The following FAM171A2 variants were observed in gnomAD, a reference collection of about 807,000 sequenced individuals.
The protein encoded by FAM171A2 is family with sequence similarity 171 member A2.
FAM171A2 carries 13 observed loss-of-function variants against 34.2 expected under a neutral mutation model. The ratio of observed to expected loss-of-function variants is 0.38; its 90% CI spans 0.25 to 0.60. The LOEUF (loss-of-function observed/expected upper bound fraction) is 0.60, where lower values mean the gene tolerates loss of function less well. Ranked by LOEUF, FAM171A2 falls within the 20% of genes least tolerant of loss-of-function variation. The pLI is 0.62. For synonymous variants in FAM171A2, 475 were observed against 561.2 expected (o/e 0.85, Z 2.17); for missense variants, 950 against 1,180.7 (o/e 0.80, Z 2.86).
intron 3 of FAM171A2, 141 bp downstream of exon 3, chr17:44,359,438 C>T (rs374439320): frequency 1.0e-5 from 7 of 671,614 alleles, no homozygotes; most frequent in East Asian, 5.5e-5. Flanking sequence ...TAACCTTCCA[C>T]GTCTTACAAA....
chr17:44,362,715 C>T (rs577694344), intron 1 of FAM171A2, among the ~76,000 whole-genome samples: 1 of 152,254 alleles, frequency 6.6e-6, no homozygotes, highest in South Asian at 2.1e-4. Context: ...CACCCACCTG[C>T]GCCCGGTGAG....
At position 44,356,239 on chromosome 17, in the gene FAM171A2, G is replaced by A; in HGVS notation, c.712C>T (p.Pro238Ser). 1 of 1,551,524 alleles carries A rather than the reference G, an allele frequency of 6.4e-7. No individual in the cohort carries two copies. ...ACGGTGAGGGCACGAGTCTCGGAGG[G>A]CACGGGCAGGGACAGGTGAATGGGG... ...SGPIHLSLPV[P>S]SETRALTVGT... The change falls in exon 5 of 8, where the codon CCC becomes TCC. Residue 238 changes from proline (P) to serine (S), a missense_variant. Physicochemically the swap from Pro to Ser is moderately conservative, Grantham distance 74 (BLOSUM62 -1). Coordinates refer to ENST00000293443, the MANE Select transcript of FAM171A2 (RefSeq NM_198475.3).
At chr17:44,358,735 G>A (rs763229269) in intron 3 of FAM171A2, among the ~76,000 whole-genome samples, 1 of 151,926 alleles carries the variant, frequency 6.6e-6, no homozygotes, top group Non-Finnish European at 1.5e-5. Flanking sequence ...CATGACAAGG[G>A]CTCAAGCTGA....
chr17:44,358,287 C>A (rs1045140795), intron 3 of FAM171A2, among the ~76,000 whole-genome samples: 2 of 152,170 alleles, frequency 1.3e-5, no homozygotes, highest in African/African-American at 4.8e-5. Flanking sequence ...AAGCAGTAGG[C>A]GCCATGCAGG....
Position 44,354,417 on chromosome 17 carries a change from G to A in FAM171A2, c.1797C>T (p.Gly599=). The A allele has an allele frequency of 1.7e-6, 2 of 1,154,524 alleles. No individual in the cohort carries two copies. The highest frequency in any genetic ancestry group is 4.0e-5 in the South Asian group (1 of 24,748). The allele number at this position is 1,154,524 out of a possible 1,614,324, so 71.5% of individuals were successfully genotyped here. A position where few individuals can be genotyped will look rare whatever the true frequency, so the allele number is the denominator to read the frequency against. ...GCCCGGCCCCCCAGCCCTCGCCGCCGCCCCCGCCGCCCTCGCCCCCCGGGC... is the reference window on the plus strand; with the variant it reads ...GCCCGGCCCCCCAGCCCTCGCCGCCACCCCCGCCGCCCTCGCCCCCCGGGC... ...HSGPGGEGGG[G]GGEGWGAGRA... The change falls in exon 8 of 8, where the codon GGC becomes GGT. Residue 599 remains glycine, a synonymous_variant. Transcript: ENST00000293443. This position sits in a 1 kb window ranked among gnomAD's most constrained non-coding sequence, Gnocchi z 5.8.
Position 44,354,996 on chromosome 17 carries a change from C to G in FAM171A2, c.1218G>C (p.Arg406=). ...GPLHSAFSSS[R]DLASSRDDFF... ...AGTCATCCCGGGAGGAGGCCAAGTC[C>G]CGGGAGCTGGAGAAGGCCGAGTGGA... The change falls in exon 8 of 8, where the codon CGG becomes CGC. Residue 406 remains arginine, a synonymous_variant. Coordinates refer to ENST00000293443, the MANE Select transcript of FAM171A2 (RefSeq NM_198475.3). The surrounding 1 kb of genome is among the most constrained non-coding windows in gnomAD (Gnocchi z 5.8). 2 of 1,497,068 alleles carry G rather than the reference C, an allele frequency of 1.3e-6. No individual in the cohort carries two copies. The highest frequency in any genetic ancestry group is 1.8e-6 in the Non-Finnish European group (2 of 1,124,700). 92.7% of individuals were successfully genotyped at this position (1,497,068 alleles called of 1,614,324 possible).
At chr17:44,359,387 TCAC>T in intron 3 of FAM171A2, 189 bp downstream of exon 3, 1 of 606,664 alleles carries the variant, frequency 1.6e-6, no homozygotes, top group Admixed American at 2.9e-5. Flanking sequence ...CTGTGTTTTT[TCAC>T]TTTGTGATTT....
chr17:44,361,036 G>C (rs112376123), intron 1 of FAM171A2, among the ~76,000 whole-genome samples: 4,571 of 152,322 alleles, frequency 0.03, 107 homozygotes, highest in Non-Finnish European at 0.049. Context: ...GGAGATCTAG[G>C]GGGGAGCAAC....
chr17:44,358,101 G>A (rs1214819376), intron 3 of FAM171A2, among the ~76,000 whole-genome samples: 2 of 152,182 alleles, frequency 1.3e-5, no homozygotes, highest in African/African-American at 2.4e-5. Context: ...GTCTCACTCA[G>A]CTCAGGGGAG....
At position 44,354,903 on chromosome 17, in the gene FAM171A2, C is replaced by G. The variant is rs1259087677; in HGVS notation, c.1311G>C (p.Glu437Asp). 1.8e-5 allele frequency: 25 copies of G among 1,397,972 alleles called. No individual in the cohort carries two copies. Among genetic ancestry groups the G allele is most frequent in the Non-Finnish European group, 2.3e-5 (25 of 1,081,672 alleles). 86.6% of individuals were successfully genotyped at this position (1,397,972 alleles called of 1,614,324 possible). ...AAEPSGARGG[E>D]SAGLKGARSA... ...AGCGAGCGCCCTTGAGCCCGGCGCT[C>G]TCGCCCCCGCGGGCACCCGAAGGCT... is the stretch of plus-strand genomic sequence containing the variant. Residue 437 changes from glutamate to aspartate, a missense_variant, in exon 8 of 8, where the codon GAG becomes GAC. Physicochemically the swap from Glu to Asp is conservative, Grantham distance 45 (BLOSUM62 2). Transcript: ENST00000293443. This position sits in a 1 kb window ranked among gnomAD's most constrained non-coding sequence, Gnocchi z 5.8.
At position 44,353,312 on chromosome 17, in the gene FAM171A2, C is replaced by T. The variant is rs1001556908; in HGVS notation, c.*421G>A. On this transcript the variant is annotated 3_prime_UTR_variant, in exon 8 of 8. Coordinates refer to ENST00000293443, the MANE Select transcript of FAM171A2 (RefSeq NM_198475.3). ...GTCCCAGCCACCAGCCCTGTGACATCGTAGCCCAGAGATGGGCTAGTCAGC... is the reference window on the plus strand; with the variant it reads ...GTCCCAGCCACCAGCCCTGTGACATTGTAGCCCAGAGATGGGCTAGTCAGC... 5.5e-5 allele frequency: 10 copies of T among 182,848 alleles called. No individual in the cohort carries two copies. Among genetic ancestry groups the T allele is most frequent in the South Asian group, 1.2e-4 (1 of 8,600 alleles). 11.3% of individuals were successfully genotyped at this position (182,848 alleles called of 1,614,324 possible). A position where few individuals can be genotyped will look rare whatever the true frequency, so the allele number is the denominator to read the frequency against.
chr17:44,356,041 C>T lies in FAM171A2; in HGVS notation c.812G>A (p.Arg271Gln), dbSNP rs2143371168. Residue 271 changes from arginine (R) to glutamine (Q), a missense_variant, in exon 6 of 8, where the codon CGG (arginine) becomes CAG (glutamine). Coordinates refer to ENST00000293443, the MANE Select transcript of FAM171A2 (RefSeq NM_198475.3). ...CCAGTAGAGCTGCCGGCCTTCCTTC[C>T]GGATTACACCAGTGCCATTGCGCAC... ...LWVRNGTGVI[R>Q]KEGRQLYWTF... 2 of 1,547,900 alleles carry T rather than the reference C, an allele frequency of 1.3e-6. No homozygotes were observed. Among genetic ancestry groups the T allele is most frequent in the Non-Finnish European group, 1.7e-6 (2 of 1,144,968 alleles).
intron 3 of FAM171A2, among the ~76,000 whole-genome samples, chr17:44,358,009 C>T (rs944789009): frequency 5.9e-5 from 9 of 152,310 alleles, no homozygotes; most frequent in African/African-American, 2.2e-4. Context: ...CCCAGGCCAT[C>T]GGGCTCCAGG....
chr17:44,356,880 T>C (rs2048426619), intron 3 of FAM171A2, among the ~76,000 whole-genome samples: 1 of 152,216 alleles, frequency 6.6e-6, no homozygotes, highest in Admixed American at 6.5e-5. Flanking sequence ...TTGTCTACTA[T>C]GTGGCAGGCA....
In FAM171A2 at chr17:44,354,025, G is replaced by C. The variant is rs1297848277; in HGVS notation, c.2189C>G (p.Thr730Arg). 3 of 1,178,826 alleles carry C rather than the reference G, an allele frequency of 2.5e-6. No homozygotes were observed. The highest frequency in any genetic ancestry group is 3.2e-5 in the African/African-American group (2 of 61,894). 73.0% of individuals were successfully genotyped at this position (1,178,826 alleles called of 1,614,324 possible). Reference protein sequence around the residue: ...APPRLALSEDTEPSSSESRTG... With the variant: ...APPRLALSEDREPSSSESRTG... Reference sequence around the variant, plus strand: ...GCGGCTCTCGCTGCTGCTGGGCTCCGTGTCCTCGCTGAGCGCCAGGCGCGG... The same window carrying C: ...GCGGCTCTCGCTGCTGCTGGGCTCCCTGTCCTCGCTGAGCGCCAGGCGCGG... Residue 730 changes from threonine (T) to arginine (R), a missense_variant, in exon 8 of 8, where the codon ACG becomes AGG. By Grantham distance (71) the Thr-to-Arg change is moderately conservative (BLOSUM62 -1). Coordinates refer to ENST00000293443, the MANE Select transcript of FAM171A2 (RefSeq NM_198475.3). This position sits in a 1 kb window ranked among gnomAD's most constrained non-coding sequence, Gnocchi z 5.8.
chr17:44,354,550 G>GCGCCCGCCT lies in FAM171A2; in HGVS notation c.1655_1663dup (p.Glu552_Gly554dup). The GCGCCCGCCT allele has an allele frequency of 8.4e-7, 1 of 1,196,886 alleles. No individual in the cohort carries two copies. The highest frequency in any genetic ancestry group is 1.0e-6 in the Non-Finnish European group (1 of 965,428). The allele number at this position is 1,196,886 out of a possible 1,614,324, so 74.1% of individuals were successfully genotyped here. Reference sequence around the variant, plus strand: ...GGCCGGCTCGTCGCCCACGCCGGCGGCGCCCGCCTCGCCGCCGAGGCGCAC... The same window carrying GCGCCCGCCT: ...GGCCGGCTCGTCGCCCACGCCGGCGGCGCCCGCCTCGCCCGCCTCGCCGCCGAGGCGCAC... On this transcript the variant is annotated inframe_insertion, in exon 8 of 8. Transcript: ENST00000293443. This position sits in a 1 kb window ranked among gnomAD's most constrained non-coding sequence, Gnocchi z 5.8.
rs1197216954 is a variant in FAM171A2 at position 44,353,593 on chromosome 17, C to T, written c.*140G>A. 1 of 603,400 alleles carries T rather than the reference C, an allele frequency of 1.7e-6. No homozygotes were observed. The highest frequency in any genetic ancestry group is 2.3e-6 in the Non-Finnish European group (1 of 434,376). 37.4% of individuals were successfully genotyped at this position (603,400 alleles called of 1,614,324 possible). ...TTGCAAGACACGACCCAGCACCAAC[C>T]ACGGAACAGCTCCAAGGCCCCTGGG... On this transcript the variant is annotated 3_prime_UTR_variant, in exon 8 of 8. Transcript: ENST00000293443.
At chr17:44,357,352 GA>G (rs35513120) in intron 3 of FAM171A2, among the ~76,000 whole-genome samples, 2,061 of 122,714 alleles carry the variant, frequency 0.017, 50 homozygotes, top group African/African-American at 0.055. Flanking sequence ...CATCTCAAAA[GA>G]AAAAAAAAAA....
chr17:44,357,048 AT>A lies in FAM171A2; in HGVS notation c.440-461del, dbSNP rs2048427307. Among the ~76,000 whole-genome samples, 3 of 152,332 alleles carry A rather than the reference AT, an allele frequency of 2.0e-5. No individual in the cohort carries two copies. The South Asian group carries it at 6.2e-4, about 32-fold the overall frequency. On this transcript the variant is annotated intron_variant, in intron 3 of 7. Coordinates refer to ENST00000293443, the MANE Select transcript of FAM171A2 (RefSeq NM_198475.3). Reference sequence around the variant, plus strand: ...GGAACTGGATTTTTAATTTTTAAAAATGTAATGATTTTTTTCTAGGTGGGTG... The same window carrying A: ...GGAACTGGATTTTTAATTTTTAAAAAGTAATGATTTTTTTCTAGGTGGGTG...
Sources: allele counts gnomAD v4.1 joint callset (sites outside exome capture counted in the v4.1 genomes callset), GRCh38; gene constraint gnomAD v4.1.1; non-coding constraint Gnocchi (gnomAD v3.1); transcripts MANE v1.5; gene names NCBI Gene and HGNC (gene_info 2026-07-23, HGNC 2026-07-21).